The following AKAP19 variants were observed in gnomAD, a reference collection of about 807,000 sequenced individuals.
AKAP19 encodes small A-kinase anchoring protein.
the AKAP19 span, among the ~76,000 whole-genome samples, chr2:190,050,903 C>A: frequency 6.6e-6 from 1 of 152,126 alleles, no homozygotes; most frequent in Non-Finnish European, 1.5e-5. Flanking sequence ...CATTTGAGAA[C>A]GGGGGGATAT....
the AKAP19 span, among the ~76,000 whole-genome samples, chr2:190,094,530 A>G: frequency 6.6e-6 from 1 of 152,198 alleles, no homozygotes; most frequent in Non-Finnish European, 1.5e-5. Flanking sequence ...ACAGCAGGGG[A>G]GTGGAGTTCA....
chr2:190,007,258 T>A, the AKAP19 span, among the ~76,000 whole-genome samples: 1 of 152,202 alleles, frequency 6.6e-6, no homozygotes, highest in Admixed American at 6.5e-5. Flanking sequence ...AATCAATGCC[T>A]ATATTCTCCA....
At chr2:189,896,999 G>A in the AKAP19 span, among the ~76,000 whole-genome samples, 1 of 152,070 alleles carries the variant, frequency 6.6e-6, no homozygotes, top group African/African-American at 2.4e-5. Flanking sequence ...GATAGCTTCA[G>A]AACTGAATTC....
the AKAP19 span, among the ~76,000 whole-genome samples, chr2:189,946,980 G>A: frequency 4.3e-3 from 658 of 152,260 alleles, 4 homozygotes; most frequent in African/African-American, 0.015. Context: ...TCTCAGCTTT[G>A]TCACTTATCG....
At chr2:189,904,599 A>T in the AKAP19 span, among the ~76,000 whole-genome samples, 47 of 152,154 alleles carry the variant, frequency 3.1e-4, no homozygotes, top group South Asian at 2.3e-3. Context: ...TCTGTTTTTT[A>T]AAGTCACTTT....
chr2:190,033,157 A>C, the AKAP19 span, among the ~76,000 whole-genome samples: 3 of 152,222 alleles, frequency 2.0e-5, no homozygotes, highest in Non-Finnish European at 2.9e-5. Flanking sequence ...TGCCAGCAGC[A>C]AGACTTTAGC....
At chr2:189,971,029 A>C in the AKAP19 span, among the ~76,000 whole-genome samples, 1 of 152,012 alleles carries the variant, frequency 6.6e-6, no homozygotes, top group African/African-American at 2.4e-5. Context: ...ACATGTGCAC[A>C]ATGTGCAGGT....
chr2:190,171,132 C>G, the AKAP19 span, among the ~76,000 whole-genome samples: 1 of 152,052 alleles, frequency 6.6e-6, no homozygotes, highest in Non-Finnish European at 1.5e-5. Context: ...CAAACAAGCA[C>G]TTTTCTCCTT....
chr2:189,913,872 A>G, the AKAP19 span, among the ~76,000 whole-genome samples: 1 of 152,104 alleles, frequency 6.6e-6, no homozygotes, highest in Non-Finnish European at 1.5e-5. Flanking sequence ...AGAATGAAGC[A>G]TATCTTTTCC....
the AKAP19 span, among the ~76,000 whole-genome samples, chr2:190,196,065 T>TTTAC: frequency 6.6e-6 from 1 of 151,496 alleles, no homozygotes; most frequent in African/African-American, 2.4e-5. Flanking sequence ...TCAATTGTTA[T>TTTAC]TTTTAGTCCA....
the AKAP19 span, among the ~76,000 whole-genome samples, chr2:190,118,420 A>G: frequency 0.017 from 2,662 of 152,328 alleles, 69 homozygotes; most frequent in African/African-American, 0.06. Flanking sequence ...ACAAAAAAAG[A>G]GAATTTTAGA....
the AKAP19 span, among the ~76,000 whole-genome samples, chr2:189,962,600 T>C: frequency 1.3e-5 from 2 of 152,084 alleles, no homozygotes; most frequent in African/African-American, 4.8e-5. Flanking sequence ...CTAAGATAAA[T>C]ATATACCTTA....
the AKAP19 span, among the ~76,000 whole-genome samples, chr2:190,149,739 A>G: frequency 2.6e-5 from 4 of 152,112 alleles, no homozygotes; most frequent in Admixed American, 6.5e-5. Context: ...GGCCTATCAT[A>G]TGGTCTATCT....
the AKAP19 span, among the ~76,000 whole-genome samples, chr2:190,100,859 T>C: frequency 6.6e-6 from 1 of 152,124 alleles, no homozygotes; most frequent in Non-Finnish European, 1.5e-5. Context: ...ACTGGCCCCA[T>C]GATGGTGTCC....
chr2:190,030,550 G>A, the AKAP19 span, among the ~76,000 whole-genome samples: 6 of 152,116 alleles, frequency 3.9e-5, 1 homozygote, highest in Admixed American at 3.9e-4. Flanking sequence ...GTAGGTGATA[G>A]GTAGCAAACC....
At chr2:189,996,399 G>T in the AKAP19 span, among the ~76,000 whole-genome samples, 1 of 152,226 alleles carries the variant, frequency 6.6e-6, no homozygotes, top group East Asian at 1.9e-4. Flanking sequence ...ACACTCTACA[G>T]TGCAGTTTGT....
chr2:189,944,370 CTA>C, the AKAP19 span, among the ~76,000 whole-genome samples: 1 of 152,134 alleles, frequency 6.6e-6, no homozygotes, highest in Non-Finnish European at 1.5e-5. Context: ...TTGCCTTCCA[CTA>C]TGTTTGTAAG....
chr2:189,998,472 T>C, the AKAP19 span, among the ~76,000 whole-genome samples: 1 of 152,222 alleles, frequency 6.6e-6, no homozygotes, highest in South Asian at 2.1e-4. Flanking sequence ...TCTACTTCAT[T>C]TAAAATTAAT....
chr2:189,901,780 C>T, the AKAP19 span, among the ~76,000 whole-genome samples: 4 of 152,194 alleles, frequency 2.6e-5, no homozygotes, highest in Admixed American at 2.6e-4. Flanking sequence ...TGAAATGCTA[C>T]CTTTATCTTA....
Sources: gnomAD v4.1 joint callset for allele counts (sites outside exome capture counted in the v4.1 genomes callset) on GRCh38, gnomAD v4.1.1 for gene constraint, MANE v1.5 for transcripts, NCBI Gene and HGNC (gene_info 2026-07-23, HGNC 2026-07-21) for gene names.